The following COG6 variants were observed in gnomAD, a reference collection of about 807,000 sequenced individuals.
COG6 encodes conserved oligomeric Golgi complex subunit 6.
A neutral mutation model predicts 88.8 loss-of-function variants in COG6; 74 were observed. That is an observed-to-expected ratio of 0.83 (90% CI 0.69 to 1.01). The LOEUF (loss-of-function observed/expected upper bound fraction) is 1.01, where lower values mean the gene tolerates loss of function less well. Ranked by LOEUF, COG6 falls within the 50% of genes least tolerant of loss-of-function variation. The pLI is 0.00. For synonymous variants in COG6, 286 were observed against 278.7 expected (o/e 1.03, Z -0.26); for missense variants, 800 against 797.9 (o/e 1.00, Z -0.03).
At chr13:39,703,503 G>A (rs954013641) in intron 13 of COG6, among the ~76,000 whole-genome samples, 18 of 151,946 alleles carry the variant, frequency 1.2e-4, no homozygotes, top group African/African-American at 3.9e-4. Flanking sequence ...TTTTCTCCAC[G>A]TTATCATTTG....
chr13:39,680,367 C>G (rs756399243), intron 7 of COG6, among the ~76,000 whole-genome samples: 1 of 152,146 alleles, frequency 6.6e-6, no homozygotes, highest in Admixed American at 6.5e-5. Flanking sequence ...AGTTTCTGCC[C>G]TAGATTATTT....
At chr13:39,785,227 T>C (rs1452281383) in intron 18 of COG6, among the ~76,000 whole-genome samples, 1 of 152,184 alleles carries the variant, frequency 6.6e-6, no homozygotes, top group Non-Finnish European at 1.5e-5. Context: ...GAGAATTTGT[T>C]GAAATTCTAG....
intron 4 of COG6, among the ~76,000 whole-genome samples, chr13:39,670,686 C>G (rs1208324749): frequency 6.6e-6 from 1 of 151,962 alleles, no homozygotes; most frequent in East Asian, 1.9e-4. Flanking sequence ...ACAAAGAAAT[C>G]TATGTCACTC....
intron 2 of COG6, among the ~76,000 whole-genome samples, chr13:39,660,062 A>G (rs144738143): frequency 6.6e-6 from 1 of 152,218 alleles, no homozygotes; most frequent in East Asian, 1.9e-4. Flanking sequence ...ATACTAATAT[A>G]TTTCTATGTG....
chr13:39,685,874 G>A (rs1323928260), intron 8 of COG6, among the ~76,000 whole-genome samples: 2 of 132,482 alleles, frequency 1.5e-5, no homozygotes, highest in Non-Finnish European at 3.3e-5. Flanking sequence ...CTTTTCTGTA[G>A]TATGTCACCA....
intron 4 of COG6, among the ~76,000 whole-genome samples, chr13:39,676,812 C>T (rs1006155210): frequency 6.6e-6 from 1 of 152,022 alleles, no homozygotes; most frequent in East Asian, 1.9e-4. Flanking sequence ...TCCTAACTTG[C>T]CTGTGGGTAT....
At chr13:39,718,894 T>G (rs188679962) in intron 13 of COG6, among the ~76,000 whole-genome samples, 101 of 152,264 alleles carry the variant, frequency 6.6e-4, no homozygotes, top group Middle Eastern at 3.4e-3. Context: ...GTCTATAGAC[T>G]GCTTTTTTCT....
At position 39,684,243 on chromosome 13, in the gene COG6, ATTTTTTTTTTTT is replaced by A. The variant is rs1203671335; in HGVS notation, c.788+1993_788+2004del. Reference sequence around the variant, plus strand: ...GGGGGCAGTAATGGCAATTTGGAAGATTTTTTTTTTTTTTTTTTTTTTTTTGAGACGGAGTCT... The same window carrying A: ...GGGGGCAGTAATGGCAATTTGGAAGATTTTTTTTTTTTTGAGACGGAGTCT... On this transcript the variant is annotated intron_variant, in intron 8 of 18. Coordinates refer to ENST00000455146, the MANE Select transcript of COG6 (RefSeq NM_020751.3). 7.0e-4 allele frequency among the ~76,000 whole-genome samples: 47 copies of A among 67,390 alleles called. 1 individual carries two copies. The highest frequency in any genetic ancestry group is 3.1e-3 in the African/African-American group (46 of 14,950). 44.2% of individuals were successfully genotyped at this position (67,390 alleles called of 152,430 possible). A position where few individuals can be genotyped will look rare whatever the true frequency, so the allele number is the denominator to read the frequency against.
chr13:39,778,866 A>G (rs1881547204), intron 18 of COG6, among the ~76,000 whole-genome samples: 1 of 152,198 alleles, frequency 6.6e-6, no homozygotes, highest in South Asian at 2.1e-4. Context: ...TCTTCACCAC[A>G]TGATGCCTGG....
chr13:39,733,922 T>C (rs867799967), intron 18 of COG6, among the ~76,000 whole-genome samples: 2 of 152,192 alleles, frequency 1.3e-5, no homozygotes, highest in Non-Finnish European at 2.9e-5. Context: ...TAGTTGCTCA[T>C]AGTAGCCTAT....
At chr13:39,766,988 C>G (rs756335434) in intron 18 of COG6, among the ~76,000 whole-genome samples, 3 of 152,162 alleles carry the variant, frequency 2.0e-5, no homozygotes, top group Non-Finnish European at 2.9e-5. Context: ...AAGTTAAGCT[C>G]TCTAATGTTG....
In COG6 at chr13:39,746,890, A is replaced by G. The variant is rs185690668; in HGVS notation, c.1827-4056A>G. Among the ~76,000 whole-genome samples, 91 of 152,316 alleles carry G rather than the reference A, an allele frequency of 6.0e-4. 1 individual carries two copies. The highest frequency in any genetic ancestry group is 1.8e-3 in the African/African-American group (76 of 41,586). On this transcript the variant is annotated intron_variant, in intron 18 of 18. Transcript: ENST00000455146. ...GCTTTTATAAATCATATTTTGGGAA[A>G]CTTAGTTCCCTAAAATAATGTATGT...
At chr13:39,773,861 G>A (rs1020133674) in intron 18 of COG6, among the ~76,000 whole-genome samples, 1 of 127,988 alleles carries the variant, frequency 7.8e-6, no homozygotes, top group Non-Finnish European at 1.6e-5. Flanking sequence ...CAAACCTATT[G>A]ACATTTTTGC....
chr13:39,673,178 T>G (rs1875754456), intron 4 of COG6, among the ~76,000 whole-genome samples: 1 of 152,102 alleles, frequency 6.6e-6, no homozygotes, highest in African/African-American at 2.4e-5. Flanking sequence ...TCCCATTTTT[T>G]GGGTTATCTT....
chr13:39,705,158 G>A (rs1017327919), intron 13 of COG6, among the ~76,000 whole-genome samples: 10 of 152,136 alleles, frequency 6.6e-5, no homozygotes, highest in African/African-American at 2.4e-4. Flanking sequence ...AAGCACCCAA[G>A]TGGAAATTTT....
intron 18 of COG6, among the ~76,000 whole-genome samples, chr13:39,735,301 C>T (rs1234587968): frequency 1.3e-5 from 2 of 151,782 alleles, no homozygotes; most frequent in Non-Finnish European, 2.9e-5. Context: ...ATGAAGCTTC[C>T]AAATAATATC....
Position 39,699,530 on chromosome 13 carries a change from TATTGACTACC to T in COG6, c.1202_1211del (p.Thr401LysfsTer6). ...ATTGTTGGAAATAGTGCAACTGCAT[TATTGACTACC>T]ATTGAAGAAATGCATTTGCTAAGCA... is the stretch of plus-strand genomic sequence containing the variant. On this transcript the variant is annotated frameshift_variant, in exon 13 of 19. Coordinates refer to ENST00000455146, the MANE Select transcript of COG6 (RefSeq NM_020751.3). LOFTEE classifies it high-confidence loss of function. 6.3e-7 allele frequency: 1 copy of T among 1,590,978 alleles called. No individual in the cohort carries two copies. The highest frequency in any genetic ancestry group is 8.6e-7 in the Non-Finnish European group (1 of 1,160,028).
chr13:39,682,061 AT>A (rs967356447), intron 7 of COG6, 109 bp from the exon 8 acceptor site: 273 of 736,556 alleles, frequency 3.7e-4, no homozygotes, highest in South Asian at 5.9e-4. Context: ...TTTTCTGAGG[AT>A]TTTTTTTTAT....
downstream of COG6, among the ~76,000 whole-genome samples, chr13:39,752,838 T>A (rs933500265): frequency 1.4e-4 from 21 of 152,298 alleles, no homozygotes; most frequent in Admixed American, 1.2e-3. Flanking sequence ...AACACCTAAA[T>A]TTGCTATTAC....
Sources: gnomAD v4.1 joint callset for allele counts (sites outside exome capture counted in the v4.1 genomes callset) on GRCh38, gnomAD v4.1.1 for gene constraint, MANE v1.5 for transcripts, NCBI Gene and HGNC (gene_info 2026-07-23, HGNC 2026-07-21) for gene names.